The following KCTD8 variants were observed in gnomAD, a reference collection of about 807,000 sequenced individuals.
The protein encoded by KCTD8 is potassium channel tetramerization domain containing 8.
In KCTD8, 27 loss-of-function variants were observed where a neutral mutation model predicts 31.5. The ratio of observed to expected loss-of-function variants is 0.86; its 90% CI spans 0.63 to 1.18. The LOEUF is 1.18. Ranked by LOEUF, KCTD8 falls within the 50% of genes most tolerant of loss-of-function variation. The probability of loss-of-function intolerance (pLI) is 0.00; values close to 1 mark genes in which losing one functional copy is unlikely to be tolerated. For synonymous variants in KCTD8, 290 were observed against 280.0 expected, an observed-to-expected ratio of 1.04 and a Z score of -0.36; for missense variants, 658 against 647.7, an observed-to-expected ratio of 1.02 and a Z score of -0.17.
At chr4:44,307,551 T>A (rs1717838638) in intron 1 of KCTD8, among the ~76,000 whole-genome samples, 1 of 152,032 alleles carries the variant, frequency 6.6e-6, no homozygotes, top group Non-Finnish European at 1.5e-5. Flanking sequence ...AAGTTCAATA[T>A]GTTGTCATTA....
intron 1 of KCTD8, among the ~76,000 whole-genome samples, chr4:44,380,848 G>A (rs1720046234): frequency 6.6e-6 from 1 of 151,832 alleles, no homozygotes; most frequent in Non-Finnish European, 1.5e-5. Context: ...ATGTTGAAGT[G>A]CAAAGTTCAC....
intron 1 of KCTD8, among the ~76,000 whole-genome samples, chr4:44,437,132 A>C (rs572890500): frequency 6.6e-6 from 1 of 152,054 alleles, no homozygotes; most frequent in South Asian, 2.1e-4. Context: ...CCTTAAAGCA[A>C]CTCACAAGTC....
intron 1 of KCTD8, among the ~76,000 whole-genome samples, chr4:44,297,097 A>G (rs184446773): frequency 6.6e-5 from 10 of 152,098 alleles, no homozygotes; most frequent in Admixed American, 3.3e-4. Flanking sequence ...ACAATAAAAA[A>G]CCAAATATTT....
At chr4:44,235,122 G>C (rs1461080588) in intron 1 of KCTD8, among the ~76,000 whole-genome samples, 1 of 150,452 alleles carries the variant, frequency 6.6e-6, no homozygotes, top group Non-Finnish European at 1.5e-5. Flanking sequence ...TGACAATGAT[G>C]ATGATGATTA....
intron 1 of KCTD8, among the ~76,000 whole-genome samples, chr4:44,367,147 C>T (rs1463626699): frequency 1.3e-5 from 2 of 152,040 alleles, no homozygotes; most frequent in Non-Finnish European, 1.5e-5. Flanking sequence ...CTTCCCCTTC[C>T]CCTAGTTAAC....
At chr4:44,444,819 TG>T (rs61618729) in intron 1 of KCTD8, among the ~76,000 whole-genome samples, 33,237 of 151,248 alleles carry the variant, frequency 0.22, 3,863 homozygotes, top group East Asian at 0.32. Context: ...ATAACATTGA[TG>T]CTCAAGTGTG....
chr4:44,330,457 C>T (rs1025166351), intron 1 of KCTD8, among the ~76,000 whole-genome samples: 2 of 151,836 alleles, frequency 1.3e-5, no homozygotes, highest in African/African-American at 4.8e-5. Context: ...TTTATCAGAG[C>T]TTTATTTTTC....
chr4:44,360,378 C>G (rs756950173), intron 1 of KCTD8, among the ~76,000 whole-genome samples: 7 of 151,920 alleles, frequency 4.6e-5, no homozygotes, highest in Non-Finnish European at 1.0e-4. Context: ...TCAGTGCCAT[C>G]CAGGGTAAAT....
chr4:44,208,530 T>G (rs1409563852), intron 1 of KCTD8, among the ~76,000 whole-genome samples: 2 of 152,190 alleles, frequency 1.3e-5, no homozygotes, highest in Non-Finnish European at 2.9e-5. Context: ...CAAATTATAT[T>G]GAAAATCACA....
At chr4:44,230,382 C>A (rs1715088812) in intron 1 of KCTD8, among the ~76,000 whole-genome samples, 1 of 152,062 alleles carries the variant, frequency 6.6e-6, no homozygotes. Flanking sequence ...TCAGTTAACC[C>A]ACTTAAGGCA....
chr4:44,240,537 T>C (rs1171824839), intron 1 of KCTD8, among the ~76,000 whole-genome samples: 1 of 152,220 alleles, frequency 6.6e-6, no homozygotes, highest in African/African-American at 2.4e-5. Context: ...GGTCTCGATA[T>C]GTTGTTGCCC....
chr4:44,265,330 G>A (rs143749803), intron 1 of KCTD8, among the ~76,000 whole-genome samples: 2,035 of 152,282 alleles, frequency 0.013, 54 homozygotes, highest in African/African-American at 0.046. Context: ...GCAGCTGAGG[G>A]TACTGTATGT....
At chr4:44,400,421 A>T (rs560879249) in intron 1 of KCTD8, among the ~76,000 whole-genome samples, 36 of 152,132 alleles carry the variant, frequency 2.4e-4, no homozygotes, top group African/African-American at 6.7e-4. Context: ...GAGAAAAAAA[A>T]AAATAAAGAT....
chr4:44,448,355 T>G lies in KCTD8; in HGVS notation c.169A>C (p.Thr57Pro). The stretch of plus-strand genomic sequence containing the variant: ...ACGCTGAGCAGCGTCGAGTGCTTGG[T>G]CACATAAACCTGGCCGCCTACGTTC... The part of the protein sequence containing the change: ...ELNVGGQVYV[T>P]KHSTLLSVPD... Residue 57 changes from threonine to proline, a missense_variant, in exon 1 of 2, where the codon ACC (threonine) becomes CCC (proline). Physicochemically the swap from Thr to Pro is conservative, Grantham distance 38. Transcript: ENST00000360029. The surrounding 1 kb of genome is among the most constrained non-coding windows in gnomAD (Gnocchi z 4.1). 1 of 1,593,704 alleles carries G rather than the reference T, an allele frequency of 6.3e-7. No homozygotes were observed. The highest frequency in any genetic ancestry group is 8.5e-7 in the Non-Finnish European group (1 of 1,170,452).
chr4:44,222,010 A>T (rs1714822373), intron 1 of KCTD8, among the ~76,000 whole-genome samples: 1 of 152,208 alleles, frequency 6.6e-6, no homozygotes, highest in Non-Finnish European at 1.5e-5. Context: ...AATAAAATCA[A>T]TAACCATGTC....
chr4:44,191,586 A>G (rs118190617), intron 1 of KCTD8, among the ~76,000 whole-genome samples: 1,528 of 152,218 alleles, frequency 0.01, 23 homozygotes, highest in African/African-American at 0.035. Flanking sequence ...AGGTCTATAA[A>G]CAGCCTCTCT....
intron 1 of KCTD8, among the ~76,000 whole-genome samples, chr4:44,220,273 A>G (rs1714770353): frequency 6.6e-6 from 1 of 152,192 alleles, no homozygotes. Context: ...TTCTACAGTA[A>G]AAGAGGCAAG....
chr4:44,439,898 ATTTTTATTTATTTATT>A (rs1202229519), intron 1 of KCTD8, among the ~76,000 whole-genome samples: 10 of 97,544 alleles, frequency 1.0e-4, no homozygotes, highest in Non-Finnish European at 1.4e-4. Flanking sequence ...CCAATCATTT[ATTTTTATTTATTTATT>A]TATTTATTTA....
chr4:44,210,049 C>A lies in KCTD8; in HGVS notation c.962-34799G>T, dbSNP rs12233856. Among the ~76,000 whole-genome samples the A allele has an allele frequency of 1.9e-3, 295 of 152,246 alleles. 5 individuals are homozygous for A. The East Asian group carries it at 0.045, about 23-fold the overall frequency. On this transcript the variant is annotated intron_variant, in intron 1 of 1. Coordinates refer to ENST00000360029, the MANE Select transcript of KCTD8 (RefSeq NM_198353.3). Reference sequence around the variant, plus strand: ...TGGAGCTCTAAGAGAGACCAGAAGGCAAATTAACCTCTCTGAATTCAGTTT... The same window carrying A: ...TGGAGCTCTAAGAGAGACCAGAAGGAAAATTAACCTCTCTGAATTCAGTTT...
Sources: allele counts gnomAD v4.1 joint callset (sites outside exome capture counted in the v4.1 genomes callset), GRCh38; gene constraint gnomAD v4.1.1; non-coding constraint Gnocchi (gnomAD v3.1); transcripts MANE v1.5; gene names NCBI Gene and HGNC (gene_info 2026-07-23, HGNC 2026-07-21).